Variants in CREBBP observed in about 807,000 individuals in gnomAD.
CREBBP encodes the protein CREB-binding protein.
CREBBP carries 19 observed loss-of-function variants against 265.0 expected under a neutral mutation model. That is an observed-to-expected ratio of 0.07 (90% CI 0.05 to 0.11). The LOEUF (loss-of-function observed/expected upper bound fraction) is 0.11, where lower values mean the gene tolerates loss of function less well. Ranked by LOEUF, CREBBP falls within the 10% of genes least tolerant of loss-of-function variation. CREBBP has a pLI of 1.00. For missense variants in CREBBP, 2,525 were observed against 3,219.0 expected (o/e 0.78, Z 5.22); for synonymous variants, 1,457 against 1,223.7 (o/e 1.19, Z -3.98).
chr16:3,818,566 C>T (rs1037039798), intron 2 of CREBBP, among the ~76,000 whole-genome samples: 4 of 152,056 alleles, frequency 2.6e-5, no homozygotes, highest in African/African-American at 7.2e-5. Context: ...TCAAGTGATC[C>T]GCCTGCCTTG....
intron 30 of CREBBP, chr16:3,730,609 G>A (rs1391803609): frequency 1.2e-5 from 2 of 161,642 alleles, no homozygotes; most frequent in Admixed American, 1.1e-4. Context: ...AGTGTGTGAA[G>A]GTGGGGAGGG....
intron 19 of CREBBP, among the ~76,000 whole-genome samples, chr16:3,753,250 C>T (rs1012881119): frequency 1.3e-5 from 2 of 152,220 alleles, no homozygotes; most frequent in Admixed American, 1.3e-4. Flanking sequence ...CAGTTCACTA[C>T]CACTAGGACA....
chr16:3,760,335 C>T (rs1011039816), intron 16 of CREBBP, among the ~76,000 whole-genome samples: 1 of 151,382 alleles, frequency 6.6e-6, no homozygotes, highest in African/African-American at 2.4e-5. Context: ...CAAGCGCTCC[C>T]CCTGCCTCAG....
In CREBBP at chr16:3,857,907, G is replaced by C. The variant is rs545050093; in HGVS notation, c.86-6898C>G. Among the ~76,000 whole-genome samples, 127 of 152,348 alleles carry C rather than the reference G, an allele frequency of 8.3e-4. 1 individual carries two copies. The highest frequency in any genetic ancestry group is 2.9e-3 in the African/African-American group (122 of 41,588). ...CCCATTTCTATCACACTCATACGAGGCTGGGAAGACCCAGTGAGGAATGAG... is the reference window on the plus strand; with the variant it reads ...CCCATTTCTATCACACTCATACGAGCCTGGGAAGACCCAGTGAGGAATGAG... On this transcript the variant is annotated intron_variant, in intron 1 of 30. Coordinates refer to ENST00000262367, the MANE Select transcript of CREBBP (RefSeq NM_004380.3).
rs1281928020 is a variant in CREBBP at position 3,880,005 on chromosome 16, G to A, written c.-89C>T. 1 of 1,199,846 alleles carries A rather than the reference G, an allele frequency of 8.3e-7. No individual in the cohort carries two copies. The highest frequency in any genetic ancestry group is 1.1e-6 in the Non-Finnish European group (1 of 911,746). The allele number at this position is 1,199,846 out of a possible 1,614,324, so 74.3% of individuals were successfully genotyped here. A position where few individuals can be genotyped will look rare whatever the true frequency, so the allele number is the denominator to read the frequency against. ...GGTCGGGGGCCCTGCCGGCTGCGAGGGAGAGGAGCGAGCGCGGGCCGCGAG... is the reference window on the plus strand; with the variant it reads ...GGTCGGGGGCCCTGCCGGCTGCGAGAGAGAGGAGCGAGCGCGGGCCGCGAG... On this transcript the variant is annotated 5_prime_UTR_variant, in exon 1 of 31. Transcript: ENST00000262367.
intron 3 of CREBBP, among the ~76,000 whole-genome samples, chr16:3,809,165 T>C (rs1462385188): frequency 6.6e-6 from 1 of 151,680 alleles, no homozygotes; most frequent in Non-Finnish European, 1.5e-5. Flanking sequence ...GTTTTGTTAC[T>C]TGTACATACC....
At chr16:3,846,128 A>G (rs188391098) in intron 2 of CREBBP, among the ~76,000 whole-genome samples, 25 of 152,320 alleles carry the variant, frequency 1.6e-4, no homozygotes, top group Admixed American at 1.6e-3. Flanking sequence ...AAGGGGAAAA[A>G]CATGTTTTAA....
intron 28 of CREBBP, among the ~76,000 whole-genome samples, chr16:3,735,281 C>G (rs902138954): frequency 4.6e-5 from 7 of 152,154 alleles, no homozygotes; most frequent in Non-Finnish European, 1.0e-4. Flanking sequence ...CACAGCCACT[C>G]CCTTGGGGGC....
chr16:3,750,006 T>C (rs985756411), intron 20 of CREBBP, among the ~76,000 whole-genome samples: 1 of 152,126 alleles, frequency 6.6e-6, no homozygotes, highest in African/African-American at 2.4e-5. Context: ...GCTCAAGTGA[T>C]CCTCCTGGGT....
In CREBBP at chr16:3,850,872, G is replaced by T; in HGVS notation, c.223C>A (p.Arg75=). The change falls in exon 2 of 31, where the codon CGA becomes AGA. Residue 75 remains arginine, a synonymous_variant. Coordinates refer to ENST00000262367, the MANE Select transcript of CREBBP (RefSeq NM_004380.3). ...TTGATACTAGAGCCGCTGCCTCCTC[G>T]TAGAAGCTCCGACAGTTGTTTATGT... is the stretch of plus-strand genomic sequence containing the variant. The part of the protein sequence containing the change: ...SKHKQLSELL[R]GGSGSSINPG... 1.2e-6 allele frequency: 2 copies of T among 1,614,140 alleles called. No homozygotes were observed. Among genetic ancestry groups the T allele is most frequent in the Non-Finnish European group, 1.7e-6 (2 of 1,180,032 alleles).
chr16:3,765,743 G>C (rs2052835634), intron 16 of CREBBP, among the ~76,000 whole-genome samples: 1 of 152,090 alleles, frequency 6.6e-6, no homozygotes, highest in Non-Finnish European at 1.5e-5. Flanking sequence ...GACCTCCCAG[G>C]CTCAGGTGAT....
chr16:3,849,280 T>C (rs2054733909), intron 2 of CREBBP, among the ~76,000 whole-genome samples: 1 of 152,088 alleles, frequency 6.6e-6, no homozygotes, highest in African/African-American at 2.4e-5. Flanking sequence ...GGCATCTGCC[T>C]TCCCCCTTCT....
intron 1 of CREBBP, among the ~76,000 whole-genome samples, chr16:3,852,035 C>CAAAAAAAAAAAAAAAAAAAAAA (rs551018184): frequency 8.9e-5 from 1 of 11,196 alleles, no homozygotes; most frequent in Non-Finnish European, 1.8e-4. Flanking sequence ...GACTCCATCT[C>CAAAAAAAAAAAAAAAAAAAAAA]AAAAAAAAAA....
chr16:3,802,414 G>A (rs2053735869), intron 3 of CREBBP, among the ~76,000 whole-genome samples: 2 of 151,914 alleles, frequency 1.3e-5, no homozygotes, highest in African/African-American at 2.4e-5. Context: ...TTACAGGAGT[G>A]AGCCACCGCG....
intron 5 of CREBBP, among the ~76,000 whole-genome samples, chr16:3,788,736 G>C (rs1596936139): frequency 6.6e-6 from 1 of 152,330 alleles, no homozygotes; most frequent in South Asian, 2.1e-4. Context: ...AAGATCACTT[G>C]AGCTCAGGAG....
intron 21 of CREBBP, among the ~76,000 whole-genome samples, chr16:3,748,922 C>A (rs1363452432): frequency 6.6e-6 from 1 of 152,278 alleles, no homozygotes; most frequent in South Asian, 2.1e-4. Context: ...GAGACAGGCA[C>A]ATCACCTGAG....
chr16:3,809,335 G>T (rs962442616), intron 3 of CREBBP, among the ~76,000 whole-genome samples: 34 of 152,126 alleles, frequency 2.2e-4, no homozygotes, highest in African/African-American at 8.2e-4. Flanking sequence ...CCGCCACCAT[G>T]CCCGGCTAAT....
At chr16:3,859,735 T>G (rs1430127423) in intron 1 of CREBBP, among the ~76,000 whole-genome samples, 4 of 152,064 alleles carry the variant, frequency 2.6e-5, no homozygotes, top group African/African-American at 9.7e-5. Context: ...AAGTACAGGG[T>G]TCAGAGAGCT....
chr16:3,848,673 G>T (rs933531313), intron 2 of CREBBP, among the ~76,000 whole-genome samples: 1 of 152,062 alleles, frequency 6.6e-6, no homozygotes, highest in East Asian at 1.9e-4. Context: ...CTATTATGTC[G>T]ACTTCATATG....
Sources: allele counts gnomAD v4.1 joint callset (sites outside exome capture counted in the v4.1 genomes callset), GRCh38; gene constraint gnomAD v4.1.1; transcripts MANE v1.5; gene names NCBI Gene and HGNC (gene_info 2026-07-23, HGNC 2026-07-21).